Variants in APBA2 observed in about 807,000 individuals in gnomAD.
APBA2 encodes the protein amyloid-beta A4 precursor protein-binding family A member 2.
In APBA2, 30 loss-of-function variants were observed where a neutral mutation model predicts 75.0. That is an observed-to-expected ratio of 0.40 (90% confidence interval 0.30 to 0.54). The LOEUF (loss-of-function observed/expected upper bound fraction) is 0.54. Ranked by LOEUF, APBA2 falls within the 20% of genes least tolerant of loss-of-function variation. The pLI, the probability that APBA2 is intolerant of heterozygous loss-of-function variation, is 0.49. For synonymous variants in APBA2, 444 were observed against 409.6 expected (o/e 1.08, Z -1.01); for missense variants, 801 against 1,016.1 (o/e 0.79, Z 2.88).
At chr15:29,091,738 A>G (rs1325199520) in intron 6 of APBA2, among the ~76,000 whole-genome samples, 1 of 152,158 alleles carries the variant, frequency 6.6e-6, no homozygotes, top group African/African-American at 2.4e-5. Context: ...GCAGCGCCCA[A>G]GCTGGGCCAG....
intron 2 of APBA2, among the ~76,000 whole-genome samples, chr15:28,964,488 AT>A (rs34136396): frequency 0.052 from 7,198 of 137,980 alleles, 512 homozygotes; most frequent in African/African-American, 0.17. Flanking sequence ...ACTTTTGCTC[AT>A]TTTTTTTTTT....
In APBA2 at chr15:28,946,588, C is replaced by CT. The variant is rs890731392; in HGVS notation, c.-95+24847dup. Among the ~76,000 whole-genome samples the CT allele has an allele frequency of 8.6e-5, 13 of 151,950 alleles. No individual in the cohort carries two copies. In the East Asian group the frequency reaches 1.9e-3, roughly 23 times the overall value. ...CTTTTTATTTTCTTTCTTTTCTTTT[C>CT]TTTTTTTTGAGACAGGATCTTGCTC... is the stretch of plus-strand genomic sequence containing the variant. On this transcript the variant is annotated intron_variant, in intron 2 of 14. Transcript: ENST00000683413.
chr15:28,953,710 C>T (rs1447897300), intron 2 of APBA2, among the ~76,000 whole-genome samples: 1 of 152,164 alleles, frequency 6.6e-6, no homozygotes, highest in Non-Finnish European at 1.5e-5. Flanking sequence ...ACACCTTCTT[C>T]CCTTGGCTTG....
rs75965808 is a variant in APBA2, at chr15:28,944,574, C to T, written c.-95+22825C>T. Among the ~76,000 whole-genome samples, 515 of 152,356 alleles carry T rather than the reference C, an allele frequency of 3.4e-3. 5 individuals are homozygous for T. The highest frequency in any genetic ancestry group is 0.012 in the African/African-American group (485 of 41,592). ...CCCATCTGTTTCTTAGAGTCGATGT[C>T]CCCTAAGGTGTGAGTTCCTGGTGAG... is the stretch of plus-strand genomic sequence containing the variant. On this transcript the variant is annotated intron_variant, in intron 2 of 14. Coordinates refer to ENST00000683413, the MANE Select transcript of APBA2 (RefSeq NM_001353788.2).
Position 29,117,517 on chromosome 15 carries a change from C to T in APBA2, c.*384C>T, listed in dbSNP as rs901894939. On this transcript the variant is annotated 3_prime_UTR_variant, in exon 15 of 15. Transcript: ENST00000683413. ...GACGCGGCTCCCGGGGCAGGGCAGC[C>T]GTCACCCCTGCCTCCCGCCCCCTTG... 117 of 271,378 alleles carry T rather than the reference C, an allele frequency of 4.3e-4. No homozygotes were observed. In the Middle Eastern group the frequency reaches 5.4e-3, roughly 13 times the overall value. 16.8% of individuals were successfully genotyped at this position (271,378 alleles called of 1,614,324 possible).
At chr15:28,989,409 C>T (rs2038099046) in intron 2 of APBA2, among the ~76,000 whole-genome samples, 1 of 152,164 alleles carries the variant, frequency 6.6e-6, no homozygotes, top group Admixed American at 6.5e-5. Context: ...TCAGTTAGTG[C>T]CTGTCATAGT....
chr15:29,087,936 G>C (rs1182882206), intron 6 of APBA2, among the ~76,000 whole-genome samples: 1 of 152,126 alleles, frequency 6.6e-6, no homozygotes, highest in Non-Finnish European at 1.5e-5. Context: ...CCCCTCCACT[G>C]GCTTTTGACC....
intron 3 of APBA2, among the ~76,000 whole-genome samples, chr15:29,008,836 A>T (rs1566901496): frequency 6.6e-6 from 1 of 152,144 alleles, no homozygotes; most frequent in Non-Finnish European, 1.5e-5. Context: ...ATTCTCTGGG[A>T]GTTGGTTTCC....
At chr15:29,095,094 A>G (rs1264940816) in intron 8 of APBA2, among the ~76,000 whole-genome samples, 1 of 151,572 alleles carries the variant, frequency 6.6e-6, no homozygotes, top group Non-Finnish European at 1.5e-5. Context: ...AAACAAAAAA[A>G]GAAAATAAGT....
intron 12 of APBA2, among the ~76,000 whole-genome samples, chr15:29,107,703 G>T (rs1038562824): frequency 6.6e-6 from 1 of 152,130 alleles, no homozygotes; most frequent in Non-Finnish European, 1.5e-5. Context: ...CAGCTCCCAG[G>T]TGGAGGCTTG....
chr15:28,989,623 C>G (rs918420113), intron 2 of APBA2, among the ~76,000 whole-genome samples: 1 of 152,224 alleles, frequency 6.6e-6, no homozygotes, highest in Non-Finnish European at 1.5e-5. Flanking sequence ...AAATCCCATC[C>G]CCGCTCCAGG....
intron 3 of APBA2, among the ~76,000 whole-genome samples, chr15:29,008,362 T>A (rs2039232126): frequency 6.6e-6 from 1 of 152,196 alleles, no homozygotes; most frequent in African/African-American, 2.4e-5. Context: ...TAAGCTGTAT[T>A]CTTAAAAAGG....
At chr15:28,945,232 G>T (rs980869881) in intron 2 of APBA2, among the ~76,000 whole-genome samples, 2 of 152,096 alleles carry the variant, frequency 1.3e-5, no homozygotes, top group Non-Finnish European at 2.9e-5. Flanking sequence ...GTATTCAGCC[G>T]ACCATTAAAA....
chr15:28,949,989 G>GT (rs1305568828), intron 2 of APBA2, among the ~76,000 whole-genome samples: 4 of 151,860 alleles, frequency 2.6e-5, no homozygotes, highest in East Asian at 1.9e-4. Flanking sequence ...TTTGCTTAAT[G>GT]TTTTTTTTCT....
At chr15:28,890,243 T>A (rs970215412) in intron 1 of APBA2, among the ~76,000 whole-genome samples, 2 of 152,162 alleles carry the variant, frequency 1.3e-5, no homozygotes, top group Admixed American at 1.3e-4. Flanking sequence ...CAGAGGAGAA[T>A]GTGTTTGGGA....
chr15:29,105,184 G>A (rs775197673), intron 10 of APBA2, among the ~76,000 whole-genome samples, 195 bp from the exon 11 acceptor site: 2 of 152,356 alleles, frequency 1.3e-5, no homozygotes, highest in Non-Finnish European at 1.5e-5. Context: ...TCACGGTGGA[G>A]TGCTGGTGGG....
In APBA2 at chr15:29,068,689, C is replaced by A. The variant is rs1349585745; in HGVS notation, c.952-6232C>A. 4.6e-5 allele frequency among the ~76,000 whole-genome samples: 7 copies of A among 152,328 alleles called. No individual in the cohort carries two copies. In the South Asian group the frequency reaches 1.2e-3, roughly 27 times the overall value. ...CTCTGCTGCCTGGATGACCCACCCC[C>A]TCCCCTGGACCATCTCCCACTTTGC... On this transcript the variant is annotated intron_variant, in intron 4 of 14. Coordinates refer to ENST00000683413, the MANE Select transcript of APBA2 (RefSeq NM_001353788.2).
intron 6 of APBA2, among the ~76,000 whole-genome samples, chr15:29,081,901 C>T (rs1286931294): frequency 6.6e-6 from 1 of 152,196 alleles, no homozygotes; most frequent in East Asian, 1.9e-4. Flanking sequence ...CGGTTCCTGG[C>T]TATGGCAGGG....
chr15:29,053,587 G>A (rs1331230750), intron 3 of APBA2, among the ~76,000 whole-genome samples: 1 of 152,150 alleles, frequency 6.6e-6, no homozygotes, highest in Non-Finnish European at 1.5e-5. Context: ...CCTGGGGAGA[G>A]GCGTGTGTCC....
Sources: allele counts gnomAD v4.1 joint callset (sites outside exome capture counted in the v4.1 genomes callset), GRCh38; gene constraint gnomAD v4.1.1; transcripts MANE v1.5; gene names NCBI Gene and HGNC (gene_info 2026-07-23, HGNC 2026-07-21).